LTBP1: variants seen among roughly 807,000 people sequenced by gnomAD.
LTBP1 encodes the protein latent transforming growth factor beta binding protein 1.
A neutral mutation model predicts 207.6 loss-of-function variants in LTBP1; 129 were observed. That is an observed-to-expected ratio of 0.62 (90% CI 0.54 to 0.72). LTBP1 has a LOEUF of 0.72. LTBP1 is among the 30% of genes least tolerant of loss of function. The probability of loss-of-function intolerance (pLI) is 0.00; values close to 1 mark genes in which losing one functional copy is unlikely to be tolerated. For missense variants in LTBP1, 2,281 were observed against 2,217.2 expected (o/e 1.03, Z -0.58); for synonymous variants, 963 against 833.7 (o/e 1.16, Z -2.67).
intron 3 of LTBP1, among the ~76,000 whole-genome samples, chr2:33,043,402 G>T (rs1370946102): frequency 1.3e-5 from 2 of 151,728 alleles, no homozygotes; most frequent in African/African-American, 4.8e-5. Context: ...GTATATTATT[G>T]TGTTTAATAA....
At chr2:33,373,478 G>C (rs2095096345) in intron 31 of LTBP1, among the ~76,000 whole-genome samples, 1 of 152,006 alleles carries the variant, frequency 6.6e-6, no homozygotes, top group African/African-American at 2.4e-5. Context: ...TAGGCACTTA[G>C]TGAGGATCTG....
At position 33,134,892 on chromosome 2, in the gene LTBP1, A is replaced by G; in HGVS notation, c.1133A>G (p.Asn378Ser). The G allele has an allele frequency of 6.2e-7, 1 of 1,613,978 alleles. No individual in the cohort carries two copies. The highest frequency in any genetic ancestry group is 8.5e-7 in the Non-Finnish European group (1 of 1,179,964). Reference sequence around the variant, plus strand: ...TGTCAGAACAGCTGTGAGAAGGGGAACACCACCACTCTCATTAGTGAGAAT... The same window carrying G: ...TGTCAGAACAGCTGTGAGAAGGGGAGCACCACCACTCTCATTAGTGAGAAT... The part of the protein sequence containing the change: ...GSCQNSCEKG[N>S]TTTLISENGH... The change falls in exon 5 of 34, where the codon AAC becomes AGC. Residue 378 changes from asparagine to serine, a missense_variant. Asn to Ser is a conservative substitution (Grantham distance 46, BLOSUM62 1). This residue lies in a region of LTBP1 where 55 missense variants were observed against 91.5 expected (regional missense o/e 0.60). Transcript: ENST00000404816. The surrounding 1 kb of genome is among the most constrained non-coding windows in gnomAD (Gnocchi z 4.4).
intron 19 of LTBP1, among the ~76,000 whole-genome samples, chr2:33,285,247 G>A (rs572662903): frequency 1.0e-3 from 159 of 151,534 alleles, no homozygotes; most frequent in African/African-American, 3.6e-3. Context: ...TCACCATGTT[G>A]GCCAGGCTAG....
chr2:33,378,772 C>G (rs1236803843), intron 31 of LTBP1, among the ~76,000 whole-genome samples: 1 of 152,216 alleles, frequency 6.6e-6, no homozygotes, highest in Non-Finnish European at 1.5e-5. Context: ...AAGCTGCTGA[C>G]TGCCCATGTC....
chr2:33,316,656 T>C (rs930325619), intron 24 of LTBP1, among the ~76,000 whole-genome samples: 1 of 152,090 alleles, frequency 6.6e-6, no homozygotes, highest in Non-Finnish European at 1.5e-5. Flanking sequence ...GATGAGAGAT[T>C]TAGAAGAAAT....
chr2:33,031,942 T>G (rs767080559), intron 3 of LTBP1, among the ~76,000 whole-genome samples: 1 of 152,110 alleles, frequency 6.6e-6, no homozygotes, highest in Non-Finnish European at 1.5e-5. Context: ...GGCTGGCTGC[T>G]GGGCAGATGA....
At chr2:33,064,422 T>C (rs2077408552) in intron 3 of LTBP1, among the ~76,000 whole-genome samples, 1 of 152,180 alleles carries the variant, frequency 6.6e-6, no homozygotes, top group Non-Finnish European at 1.5e-5. Flanking sequence ...GGGTAAGAGA[T>C]AAAGAACTTT....
intron 5 of LTBP1, among the ~76,000 whole-genome samples, chr2:33,150,479 T>C (rs1295394559): frequency 6.6e-6 from 1 of 152,076 alleles, no homozygotes; most frequent in Non-Finnish European, 1.5e-5. Context: ...AGTATATTCA[T>C]AATTTTGTTC....
chr2:33,238,952 T>A (rs1159964773), intron 9 of LTBP1, among the ~76,000 whole-genome samples: 1 of 152,244 alleles, frequency 6.6e-6, no homozygotes, highest in Non-Finnish European at 1.5e-5. Context: ...TCTCTTGTTA[T>A]GCATGTATAC....
At chr2:33,088,175 C>T (rs1158412767) in intron 3 of LTBP1, among the ~76,000 whole-genome samples, 2 of 152,194 alleles carry the variant, frequency 1.3e-5, no homozygotes, top group East Asian at 1.9e-4. Flanking sequence ...GACAGTGAGC[C>T]GGGCGCGGTG....
intron 15 of LTBP1, among the ~76,000 whole-genome samples, chr2:33,272,960 A>G (rs2093352000): frequency 6.6e-6 from 1 of 152,130 alleles, no homozygotes; most frequent in Non-Finnish European, 1.5e-5. Context: ...GAACAGGGCT[A>G]ATCTGTACAG....
intron 5 of LTBP1, among the ~76,000 whole-genome samples, chr2:33,146,994 C>T (rs2083106349): frequency 6.6e-6 from 1 of 152,144 alleles, no homozygotes; most frequent in Admixed American, 6.5e-5. Context: ...CTTAATGAAG[C>T]CCCTGGAAGG....
chr2:33,037,340 T>G (rs1242664743), intron 3 of LTBP1, among the ~76,000 whole-genome samples: 5 of 152,208 alleles, frequency 3.3e-5, no homozygotes, highest in African/African-American at 1.2e-4. Context: ...TCTTGGAAGG[T>G]GTAATAATCA....
intron 3 of LTBP1, among the ~76,000 whole-genome samples, chr2:33,081,133 G>T (rs56273811): frequency 0.75 from 113,950 of 151,414 alleles, 45,097 homozygotes; most frequent in East Asian, 0.98. Flanking sequence ...ACTTAGCAAA[G>T]CCCCTTTGTT....
intron 11 of LTBP1, among the ~76,000 whole-genome samples, chr2:33,257,018 A>G (rs1028056240): frequency 4.6e-5 from 7 of 151,348 alleles, no homozygotes; most frequent in African/African-American, 1.7e-4. Context: ...TATGCTATAT[A>G]TAATATGTAT....
At chr2:33,302,976 CACACACACAA>C (rs202219412) in intron 22 of LTBP1, among the ~76,000 whole-genome samples, 61 of 142,824 alleles carry the variant, frequency 4.3e-4, no homozygotes, top group African/African-American at 1.4e-3. Context: ...CACACACACA[CACACACACAA>C]ACACACACAA....
At chr2:33,142,104 T>C (rs1037311873) in intron 5 of LTBP1, among the ~76,000 whole-genome samples, 4 of 152,078 alleles carry the variant, frequency 2.6e-5, no homozygotes, top group Admixed American at 1.3e-4. Flanking sequence ...CAGGCTGGAG[T>C]GCAGTGGCGG....
chr2:33,180,492 C>G (rs1028579310), intron 5 of LTBP1, among the ~76,000 whole-genome samples: 6 of 147,946 alleles, frequency 4.1e-5, no homozygotes, highest in Non-Finnish European at 8.9e-5. Context: ...CACTCTGTCA[C>G]TGAGGCTGGA....
intron 30 of LTBP1, among the ~76,000 whole-genome samples, chr2:33,364,849 C>T (rs752042650): frequency 1.3e-5 from 2 of 152,172 alleles, no homozygotes; most frequent in Non-Finnish European, 2.9e-5. Flanking sequence ...TCATTCGCCT[C>T]AGGAGACTGC....
Sources: allele counts gnomAD v4.1 joint callset (sites outside exome capture counted in the v4.1 genomes callset), GRCh38; gene constraint gnomAD v4.1.1; regional missense constraint gnomAD v4.1.1; non-coding constraint Gnocchi (gnomAD v3.1); transcripts MANE v1.5; gene names NCBI Gene and HGNC (gene_info 2026-07-23, HGNC 2026-07-21).